The following ASIC2 variants were observed in gnomAD, a reference collection of about 807,000 sequenced individuals.
ASIC2 encodes acid sensing ion channel subunit 2, also known as acid-sensing ion channel 2.
ASIC2 carries 25 observed loss-of-function variants against 57.3 expected under a neutral mutation model. That is an observed-to-expected ratio of 0.44 (90% confidence interval 0.32 to 0.61). The LOEUF is 0.61. ASIC2 is among the 20% of genes least tolerant of loss of function. ASIC2 has a pLI of 0.06. For missense variants in ASIC2, 641 were observed against 738.1 expected, an observed-to-expected ratio of 0.87 and a Z score of 1.52; for synonymous variants, 319 against 307.5, an observed-to-expected ratio of 1.04 and a Z score of -0.39.
rs574662583 is a variant in ASIC2 at position 33,257,646 on chromosome 17, G to T, written c.708+33762C>A. On this transcript the variant is annotated intron_variant, in intron 1 of 9. Transcript: ENST00000225823. ...GATGATGGCTGAGAGTTGAGGGCTG[G>T]GCTCTCCATGCACACAACCTAGCCC... is the stretch of plus-strand genomic sequence containing the variant. 7.2e-5 allele frequency among the ~76,000 whole-genome samples: 11 copies of T among 152,324 alleles called. No individual in the cohort carries two copies. In the South Asian group the frequency reaches 2.3e-3, roughly 32 times the overall value.
intron 1 of ASIC2, among the ~76,000 whole-genome samples, chr17:33,712,656 TTTTTTTTG>T (rs1909080504): frequency 7.2e-6 from 1 of 139,628 alleles, no homozygotes; most frequent in African/African-American, 2.8e-5. Flanking sequence ...TTTTTTTTTT[TTTTTTTTG>T]AGACGGAGTC....
chr17:33,017,229 G>T (rs2091811268), intron 8 of ASIC2, among the ~76,000 whole-genome samples: 1 of 152,188 alleles, frequency 6.6e-6, no homozygotes. Context: ...TGTGTGTGCA[G>T]GTGTGGACAT....
intron 1 of ASIC2, 88 bp from the exon 2 acceptor site, chr17:33,112,155 A>G: frequency 7.1e-7 from 1 of 1,411,486 alleles, no homozygotes. Context: ...GAAATCTGAC[A>G]GCAGGTCAGA....
intron 1 of ASIC2, among the ~76,000 whole-genome samples, chr17:33,458,557 A>G (rs978357668): frequency 2.6e-5 from 4 of 152,156 alleles, no homozygotes; most frequent in Non-Finnish European, 4.4e-5. Context: ...GGCCATAGTT[A>G]ACACCTCTGT....
At chr17:33,385,195 C>G (rs926498517) in intron 1 of ASIC2, among the ~76,000 whole-genome samples, 1 of 152,196 alleles carries the variant, frequency 6.6e-6, no homozygotes, top group Non-Finnish European at 1.5e-5. Flanking sequence ...GCCACTAATA[C>G]TCTGCTGTGA....
At chr17:33,076,579 C>T (rs2092089843) in intron 3 of ASIC2, among the ~76,000 whole-genome samples, 1 of 152,208 alleles carries the variant, frequency 6.6e-6, no homozygotes, top group African/African-American at 2.4e-5. Context: ...TGGTAGGCAC[C>T]ACTCTAGACT....
chr17:33,076,236 T>C (rs749786452), intron 3 of ASIC2, among the ~76,000 whole-genome samples: 3 of 152,246 alleles, frequency 2.0e-5, no homozygotes, highest in Non-Finnish European at 4.4e-5. Context: ...CCTCTTGCTA[T>C]GTCCTTGCAA....
chr17:33,759,690 G>C (rs1156539049), intron 1 of ASIC2, among the ~76,000 whole-genome samples: 1 of 152,122 alleles, frequency 6.6e-6, no homozygotes, highest in African/African-American at 2.4e-5. Flanking sequence ...GTCACCTCAG[G>C]GCTCTGCTCC....
chr17:33,159,416 C>A (rs989722894), intron 1 of ASIC2, among the ~76,000 whole-genome samples: 1 of 152,028 alleles, frequency 6.6e-6, no homozygotes, highest in African/African-American at 2.4e-5. Flanking sequence ...TCTGGTGAAG[C>A]GGGCTGTGGT....
chr17:33,084,227 A>C (rs1351899536), intron 3 of ASIC2, among the ~76,000 whole-genome samples: 3 of 152,160 alleles, frequency 2.0e-5, no homozygotes, highest in African/African-American at 7.2e-5. Context: ...CATTTTACAG[A>C]TGGAAAAACT....
At chr17:33,214,166 C>T (rs1196103461) in intron 1 of ASIC2, among the ~76,000 whole-genome samples, 6 of 152,196 alleles carry the variant, frequency 3.9e-5, no homozygotes, top group Non-Finnish European at 7.3e-5. Context: ...ATCCCTGGCT[C>T]CCATCTGAGG....
At chr17:33,446,689 A>G (rs1467266019) in intron 1 of ASIC2, among the ~76,000 whole-genome samples, 1 of 152,190 alleles carries the variant, frequency 6.6e-6, no homozygotes, top group East Asian at 1.9e-4. Context: ...TCCTACAGGT[A>G]GGAACCATGT....
chr17:33,539,079 G>A (rs1462694048), intron 1 of ASIC2, among the ~76,000 whole-genome samples: 1 of 152,172 alleles, frequency 6.6e-6, no homozygotes, highest in Non-Finnish European at 1.5e-5. Flanking sequence ...GAGCCACGTG[G>A]CCTTAGGCTA....
chr17:33,266,154 CCACAAAACTTAA>C (rs1050553969), intron 1 of ASIC2, among the ~76,000 whole-genome samples: 4 of 152,160 alleles, frequency 2.6e-5, no homozygotes, highest in Non-Finnish European at 5.9e-5. Flanking sequence ...CCTACCTTGA[CCACAAAACTTAA>C]CACAGTCACT....
chr17:33,926,041 T>G lies in ASIC2; in HGVS notation c.555+229937A>C, dbSNP rs150076926. 3.1e-3 allele frequency among the ~76,000 whole-genome samples: 474 copies of G among 152,320 alleles called. 1 individual carries two copies. Among genetic ancestry groups the G allele is most frequent in the African/African-American group, 0.011 (449 of 41,562 alleles). ...AATAATCACTGTTAACATTAGTAGA[T>G]CTCTTGCAGTGATGTTTTGGGAGCC... On this transcript the variant is annotated intron_variant, in intron 1 of 9. Coordinates refer to the ASIC2 transcript ENST00000359872.
intron 1 of ASIC2, among the ~76,000 whole-genome samples, chr17:33,374,030 T>A (rs917507368): frequency 1.3e-5 from 2 of 151,568 alleles, no homozygotes; most frequent in African/African-American, 4.9e-5. Context: ...AGTTTCACTC[T>A]TGCGGCCCAG....
At chr17:33,959,811 C>T (rs1045471794) in intron 1 of ASIC2, among the ~76,000 whole-genome samples, 2 of 152,244 alleles carry the variant, frequency 1.3e-5, no homozygotes, top group Admixed American at 1.3e-4. Context: ...CCTTGACACA[C>T]ATACCCAGGA....
In ASIC2 at chr17:33,281,976, G is replaced by A. The variant is rs536759631; in HGVS notation, c.708+9432C>T. Reference sequence around the variant, plus strand: ...TTCTGGAGTCCAAATTCCCAATCTTGCATTATGTAAGTGTGGTTAAAATAC... The same window carrying A: ...TTCTGGAGTCCAAATTCCCAATCTTACATTATGTAAGTGTGGTTAAAATAC... On this transcript the variant is annotated intron_variant, in intron 1 of 9. Transcript: ENST00000225823. Among the ~76,000 whole-genome samples the A allele has an allele frequency of 5.2e-4, 79 of 152,254 alleles. 1 individual carries two copies. Among genetic ancestry groups the A allele is most frequent in the African/African-American group, 1.9e-3 (77 of 41,544 alleles).
chr17:33,428,562 T>C (rs75293213), intron 1 of ASIC2, among the ~76,000 whole-genome samples: 1,789 of 152,240 alleles, frequency 0.012, 52 homozygotes, highest in East Asian at 0.097. Context: ...ACAGTTTCTG[T>C]GGATCCCTAA....
Sources: gnomAD v4.1 joint callset for allele counts (sites outside exome capture counted in the v4.1 genomes callset) on GRCh38, gnomAD v4.1.1 for gene constraint, MANE v1.5 for transcripts, NCBI Gene and HGNC (gene_info 2026-07-23, HGNC 2026-07-21) for gene names.